The following EXOC6B variants were observed in gnomAD, a reference collection of about 807,000 sequenced individuals.
EXOC6B encodes the protein exocyst complex component 6B.
Under a neutral mutation model 113.5 loss-of-function variants are expected in EXOC6B, and 54 were observed. That is an observed-to-expected ratio of 0.48 (90% CI 0.38 to 0.60). The LOEUF is 0.60. Among genes scored for constraint, EXOC6B ranks in the 20% least tolerant of loss-of-function variants. The probability of loss-of-function intolerance (pLI) is 0.00; values close to 1 mark genes in which losing one functional copy is unlikely to be tolerated. For missense variants in EXOC6B, 797 were observed against 977.5 expected (o/e 0.82, Z 2.46); for synonymous variants, 357 against 339.0 (o/e 1.05, Z -0.58).
chr2:72,606,754 G>A (rs971625252), intron 6 of EXOC6B, among the ~76,000 whole-genome samples: 3 of 151,216 alleles, frequency 2.0e-5, no homozygotes, highest in African/African-American at 4.9e-5. Context: ...TCAGCCTCTC[G>A]AGTAGCCCAC....
intron 14 of EXOC6B, among the ~76,000 whole-genome samples, 178 bp downstream of exon 14, chr2:72,496,276 T>C (rs943994618): frequency 6.6e-6 from 1 of 152,076 alleles, no homozygotes. Context: ...AAAGAATCCT[T>C]CATCGTCAGA....
At chr2:72,745,454 TA>T (rs892589089) in intron 1 of EXOC6B, among the ~76,000 whole-genome samples, 3 of 150,428 alleles carry the variant, frequency 2.0e-5, no homozygotes, top group Admixed American at 1.3e-4. Flanking sequence ...TTTTGAGAAT[TA>T]AAAAAAAAGA....
intron 6 of EXOC6B, among the ~76,000 whole-genome samples, chr2:72,670,209 C>T (rs1036877881): frequency 6.6e-6 from 1 of 152,092 alleles, no homozygotes; most frequent in African/African-American, 2.4e-5. Flanking sequence ...TTCATTATGT[C>T]TTCAAGCATT....
chr2:72,580,299 G>T (rs1367506238), intron 6 of EXOC6B, among the ~76,000 whole-genome samples: 2 of 151,592 alleles, frequency 1.3e-5, no homozygotes, highest in East Asian at 3.9e-4. Context: ...GTGCCACCAT[G>T]CTCGGCTCTG....
At position 72,601,122 on chromosome 2, in the gene EXOC6B, GTA is replaced by G. The variant is rs1177883658; in HGVS notation, c.670-25456_670-25455del. Among the ~76,000 whole-genome samples the G allele has an allele frequency of 4.7e-4, 47 of 99,374 alleles. No homozygotes were observed. The East Asian group carries it at 4.8e-3, about 10-fold the overall frequency. 65.2% of individuals were successfully genotyped at this position (99,374 alleles called of 152,430 possible). A position where few individuals can be genotyped will look rare whatever the true frequency, so the allele number is the denominator to read the frequency against. ...GCTACATATATATATATGTGTGTGT[GTA>G]TGTGTGTGTGTGTGTGTGTGTGTGT... On this transcript the variant is annotated intron_variant, in intron 6 of 21. Transcript: ENST00000272427.
At chr2:72,800,496 A>G (rs1004909048) in intron 1 of EXOC6B, among the ~76,000 whole-genome samples, 3 of 152,216 alleles carry the variant, frequency 2.0e-5, no homozygotes, top group African/African-American at 4.8e-5. Flanking sequence ...GTTTCTTTTT[A>G]TACTATTTTG....
intron 19 of EXOC6B, among the ~76,000 whole-genome samples, chr2:72,340,996 G>A (rs1386052214): frequency 1.3e-5 from 2 of 152,146 alleles, no homozygotes; most frequent in Non-Finnish European, 2.9e-5. Context: ...CAATGTCAAG[G>A]AGAGAGAAAA....
chr2:72,535,127 A>T (rs1322418529), intron 8 of EXOC6B, among the ~76,000 whole-genome samples: 2 of 152,194 alleles, frequency 1.3e-5, no homozygotes, highest in African/African-American at 4.8e-5. Context: ...ATTTTAACAC[A>T]TACTCTTTAA....
chr2:72,465,776 A>T (rs1266435983), intron 17 of EXOC6B, among the ~76,000 whole-genome samples: 1 of 152,194 alleles, frequency 6.6e-6, no homozygotes, highest in East Asian at 1.9e-4. Context: ...AGTACCTGCC[A>T]CCACATTCAA....
intron 1 of EXOC6B, among the ~76,000 whole-genome samples, chr2:72,803,415 C>A (rs1685407670): frequency 6.6e-6 from 1 of 151,950 alleles, no homozygotes; most frequent in South Asian, 2.1e-4. Context: ...ATTCAACATA[C>A]AATGAAGCTA....
At chr2:72,262,617 A>G (rs1683800009) in intron 20 of EXOC6B, among the ~76,000 whole-genome samples, 1 of 152,172 alleles carries the variant, frequency 6.6e-6, no homozygotes, top group Admixed American at 6.6e-5. Context: ...TATAAAATGT[A>G]TAGAGCAAAG....
intron 19 of EXOC6B, among the ~76,000 whole-genome samples, chr2:72,369,712 T>C (rs1690882583): frequency 6.6e-6 from 1 of 151,992 alleles, no homozygotes; most frequent in Non-Finnish European, 1.5e-5. Context: ...ATACTACACA[T>C]CTACAACTAT....
At chr2:72,563,712 A>AT (rs1704011204) in intron 7 of EXOC6B, among the ~76,000 whole-genome samples, 1 of 152,096 alleles carries the variant, frequency 6.6e-6, no homozygotes, top group Non-Finnish European at 1.5e-5. Context: ...GATTACAAAA[A>AT]TTTTTACAAA....
chr2:72,641,162 T>A (rs540905029), intron 6 of EXOC6B, among the ~76,000 whole-genome samples: 1 of 152,244 alleles, frequency 6.6e-6, no homozygotes, highest in Non-Finnish European at 1.5e-5. Flanking sequence ...GAGAAGACGG[T>A]GATTTTTGCA....
intron 6 of EXOC6B, among the ~76,000 whole-genome samples, chr2:72,684,337 A>G (rs1332373885): frequency 1.3e-5 from 2 of 152,208 alleles, no homozygotes; most frequent in Non-Finnish European, 2.9e-5. Flanking sequence ...AATAACTAAA[A>G]TTTAAAAGAC....
chr2:72,233,289 G>A (rs1244392642), intron 20 of EXOC6B, among the ~76,000 whole-genome samples: 1 of 152,066 alleles, frequency 6.6e-6, no homozygotes, highest in Admixed American at 6.5e-5. Context: ...GGAGAGGAAA[G>A]GAAGGGGCTG....
chr2:72,284,501 C>T (rs886849110), intron 20 of EXOC6B, among the ~76,000 whole-genome samples: 1 of 152,032 alleles, frequency 6.6e-6, no homozygotes, highest in African/African-American at 2.4e-5. Context: ...AAAAAACCTA[C>T]AGCTAACATC....
chr2:72,448,232 CT>C (rs1696702497), intron 18 of EXOC6B, among the ~76,000 whole-genome samples: 1 of 151,914 alleles, frequency 6.6e-6, no homozygotes, highest in South Asian at 2.1e-4. Context: ...GTGTTTTTTC[CT>C]TTCTCTTCTA....
At chr2:72,454,259 TGCGGGAGGCCAAG>T (rs1697078160) in intron 18 of EXOC6B, among the ~76,000 whole-genome samples, 1 of 152,058 alleles carries the variant, frequency 6.6e-6, no homozygotes, top group Non-Finnish European at 1.5e-5. Flanking sequence ...ATCCTAGCAC[TGCGGGAGGCCAAG>T]GCAGGAGGAT....
Sources: gnomAD v4.1 joint callset for allele counts (sites outside exome capture counted in the v4.1 genomes callset) on GRCh38, gnomAD v4.1.1 for gene constraint, MANE v1.5 for transcripts, NCBI Gene and HGNC (gene_info 2026-07-23, HGNC 2026-07-21) for gene names.